ARHGEF10L: variants seen among roughly 807,000 people sequenced by gnomAD.
ARHGEF10L encodes the protein rho guanine nucleotide exchange factor 10-like protein.
Under a neutral mutation model 141.2 loss-of-function variants are expected in ARHGEF10L, and 69 were observed. The observed-to-expected ratio is 0.49, with a 90% CI of 0.40 to 0.60. The LOEUF is 0.60. ARHGEF10L is among the 20% of genes least tolerant of loss of function. The pLI is 0.00. For synonymous variants in ARHGEF10L, 711 were observed against 718.5 expected, an observed-to-expected ratio of 0.99 and a Z score of 0.17; for missense variants, 1,482 against 1,734.3, an observed-to-expected ratio of 0.85 and a Z score of 2.58.
chr1:17,640,392 G>C (rs1295333900), intron 21 of ARHGEF10L, 90 bp downstream of exon 21: 34 of 1,107,682 alleles, frequency 3.1e-5, no homozygotes, highest in Non-Finnish European at 4.3e-5. Context: ...TGGGTGTTCG[G>C]GGTCAGCGGG....
At chr1:17,515,610 T>C in the ARHGEF10L span, among the ~76,000 whole-genome samples, 8 of 152,106 alleles carry the variant, frequency 5.3e-5, no homozygotes, top group African/African-American at 1.9e-4. Flanking sequence ...AGATACTATT[T>C]ATTTTTCTTT....
chr1:17,558,940 G>A lies in ARHGEF10L; in HGVS notation c.-44+18990G>A, dbSNP rs1268344376. Among the ~76,000 whole-genome samples the A allele has an allele frequency of 6.6e-6, 1 of 152,214 alleles. No homozygotes were observed. Among genetic ancestry groups the A allele is most frequent in the African/African-American group, 2.4e-5 (1 of 41,456 alleles). On this transcript the variant is annotated intron_variant, in intron 1 of 28. Transcript: ENST00000361221. The surrounding 1 kb of genome is among the most constrained non-coding windows in gnomAD (Gnocchi z 4.2). Reference sequence around the variant, plus strand: ...CCTCGGCTTTCAGCTCTTTTCTTGTGTAGATTGGAGCCTTTGCATTCATGA... The same window carrying A: ...CCTCGGCTTTCAGCTCTTTTCTTGTATAGATTGGAGCCTTTGCATTCATGA...
chr1:17,598,473 G>C lies in ARHGEF10L; in HGVS notation c.258-3654G>C, dbSNP rs139944125. ...CAGGGTGCCAGCAGATTCAGTGTCT[G>C]ATGAGGGCTCATTTCCTGATCATAG... On this transcript the variant is annotated intron_variant, in intron 4 of 28. Transcript: ENST00000361221. Among the ~76,000 whole-genome samples the C allele has an allele frequency of 6.8e-3, 1,039 of 152,284 alleles. 14 individuals carry two copies. Among genetic ancestry groups the C allele is most frequent in the African/African-American group, 0.024 (979 of 41,550 alleles).
intron 1 of ARHGEF10L, among the ~76,000 whole-genome samples, chr1:17,559,559 A>G (rs1322838515): frequency 6.6e-6 from 1 of 152,154 alleles, no homozygotes; most frequent in Non-Finnish European, 1.5e-5. Flanking sequence ...CATTGGGCTT[A>G]TGATTGAGGT....
the ARHGEF10L span, among the ~76,000 whole-genome samples, chr1:17,522,623 G>A: frequency 6.6e-6 from 1 of 151,982 alleles, no homozygotes; most frequent in Non-Finnish European, 1.5e-5. Flanking sequence ...CTGGCTTTTG[G>A]CCCCTAAATT....
chr1:17,618,111 C>A (rs2059906857), intron 9 of ARHGEF10L, among the ~76,000 whole-genome samples: 1 of 152,090 alleles, frequency 6.6e-6, no homozygotes, highest in African/African-American at 2.4e-5. Flanking sequence ...AGCACTGACC[C>A]CCGATGATGG....
Position 17,639,511 on chromosome 1 carries a change from A to G in ARHGEF10L, c.2172-691A>G, listed in dbSNP as rs778178501. On this transcript the variant is annotated intron_variant, in intron 20 of 28. Transcript: ENST00000361221. The surrounding 1 kb of genome is among the most constrained non-coding windows in gnomAD (Gnocchi z 4.3). The stretch of plus-strand genomic sequence containing the variant: ...CATGTGTAGGAGTCAGCAGCTTTGA[A>G]TCTGCCGCCTCCCTGTTGAGTGGCC... Among the ~76,000 whole-genome samples, 1 of 151,718 alleles carries G rather than the reference A, an allele frequency of 6.6e-6. No homozygotes were observed. Among genetic ancestry groups the G allele is most frequent in the Non-Finnish European group, 1.5e-5 (1 of 67,898 alleles).
upstream of ARHGEF10L, among the ~76,000 whole-genome samples, chr1:17,539,619 G>A (rs900876603): frequency 4.2e-4 from 64 of 151,186 alleles, no homozygotes; most frequent in Middle Eastern, 3.4e-3. The surrounding 1 kb of genome is among the most constrained non-coding windows in gnomAD (Gnocchi z 6.0). Flanking sequence ...GGGGCGCGGC[G>A]GCCGCTGCCC....
At chr1:17,645,778 A>G (rs971394965) in intron 21 of ARHGEF10L, among the ~76,000 whole-genome samples, 4 of 152,172 alleles carry the variant, frequency 2.6e-5, no homozygotes, top group Non-Finnish European at 5.9e-5. Context: ...TGGCATCTGG[A>G]TCTTCCCCTG....
intron 2 of ARHGEF10L, among the ~76,000 whole-genome samples, chr1:17,586,178 A>T (rs1001664940): frequency 2.0e-5 from 3 of 152,246 alleles, no homozygotes; most frequent in African/African-American, 7.2e-5. Context: ...ACCAAGGCTG[A>T]GAAAACCTAA....
At chr1:17,587,343 C>T (rs1466744378) in intron 2 of ARHGEF10L, 117 bp from the exon 3 acceptor site, 7 of 1,054,260 alleles carry the variant, frequency 6.6e-6, no homozygotes, top group Non-Finnish European at 9.5e-6. Flanking sequence ...GCTCTCATTC[C>T]CTGGCTCAGA....
chr1:17,545,171 C>G (rs2100651035), intron 1 of ARHGEF10L, among the ~76,000 whole-genome samples: 1 of 152,268 alleles, frequency 6.6e-6, no homozygotes, highest in Middle Eastern at 3.4e-3. Flanking sequence ...TCAGTGATGT[C>G]ACATTGGCAG....
chr1:17,606,632 A>T (rs1455608057), intron 6 of ARHGEF10L, among the ~76,000 whole-genome samples: 4 of 151,824 alleles, frequency 2.6e-5, no homozygotes, highest in Non-Finnish European at 5.9e-5. Context: ...ACACAAAAAC[A>T]AAAAAACCCT....
chr1:17,597,939 A>T (rs1158025416), intron 4 of ARHGEF10L, among the ~76,000 whole-genome samples: 1 of 152,080 alleles, frequency 6.6e-6, no homozygotes, highest in Non-Finnish European at 1.5e-5. Context: ...TACAGTTTAC[A>T]TGGGGCTTTC....
intron 1 of ARHGEF10L, among the ~76,000 whole-genome samples, chr1:17,548,864 G>A (rs964853170): frequency 1.3e-5 from 2 of 151,578 alleles, no homozygotes; most frequent in African/African-American, 4.9e-5. Context: ...GGCCAGGCTG[G>A]TCTTGAACTC....
At chr1:17,628,026 C>T (rs1175953420) in intron 15 of ARHGEF10L, among the ~76,000 whole-genome samples, 1 of 150,200 alleles carries the variant, frequency 6.7e-6, no homozygotes, top group East Asian at 2.0e-4. Flanking sequence ...CGCTTAGGAA[C>T]ATGCTATTAA....
chr1:17,622,913 A>G (rs1454321497), intron 11 of ARHGEF10L, 83 bp from the exon 12 acceptor site: 3 of 1,461,484 alleles, frequency 2.1e-6, no homozygotes, highest in African/African-American at 2.8e-5. Flanking sequence ...AGGCCCATTC[A>G]TGGCTGGCCG....
At chr1:17,641,224 T>C (rs574657149) in intron 21 of ARHGEF10L, among the ~76,000 whole-genome samples, 2 of 152,390 alleles carry the variant, frequency 1.3e-5, no homozygotes, top group South Asian at 4.1e-4. Context: ...TTATTCCCTA[T>C]GATGTACTAC....
chr1:17,544,631 T>A (rs1361496828), intron 1 of ARHGEF10L, among the ~76,000 whole-genome samples: 2 of 152,186 alleles, frequency 1.3e-5, no homozygotes, highest in Non-Finnish European at 2.9e-5. Context: ...AATACTCAAT[T>A]TTTTTCCTAA....
Sources: gnomAD v4.1 joint callset for allele counts (sites outside exome capture counted in the v4.1 genomes callset) on GRCh38, gnomAD v4.1.1 for gene constraint, Gnocchi (gnomAD v3.1) non-coding constraint, MANE v1.5 for transcripts, NCBI Gene and HGNC (gene_info 2026-07-23, HGNC 2026-07-21) for gene names.